IDE: variants seen among roughly 807,000 people sequenced by gnomAD.
The protein encoded by IDE is insulin degrading enzyme.
In IDE, 58 loss-of-function variants were observed where a neutral mutation model predicts 133.2. The ratio of observed to expected loss-of-function variants is 0.44; its 90% CI spans 0.35 to 0.54. The LOEUF (loss-of-function observed/expected upper bound fraction) is 0.54, where lower values mean the gene tolerates loss of function less well. IDE is among the 20% of genes least tolerant of loss of function. The pLI is 0.00. For missense variants in IDE, 981 were observed against 1,234.0 expected (o/e 0.79, Z 3.07); for synonymous variants, 396 against 421.3 (o/e 0.94, Z 0.73).
intron 6 of IDE, 33 bp from the exon 7 acceptor site, chr10:92,508,923 T>G (rs548479389): frequency 6.7e-7 from 1 of 1,501,840 alleles, no homozygotes; most frequent in Non-Finnish European, 9.2e-7. Flanking sequence ...ATTAGCTATA[T>G]ACGACTCCTA....
chr10:92,500,977 G>T (rs1344696172), intron 11 of IDE, among the ~76,000 whole-genome samples: 2 of 150,902 alleles, frequency 1.3e-5, no homozygotes, highest in African/African-American at 4.9e-5. Context: ...GGAGGCAGAG[G>T]TTGCAGTGAG....
At chr10:92,570,859 T>C (rs1434068828) in intron 1 of IDE, among the ~76,000 whole-genome samples, 1 of 151,684 alleles carries the variant, frequency 6.6e-6, no homozygotes, top group Non-Finnish European at 1.5e-5. Flanking sequence ...AAGGCTGCAG[T>C]GAGCTGAGAT....
chr10:92,475,793 C>A, intron 16 of IDE, 91 bp downstream of exon 16: 1 of 578,076 alleles, frequency 1.7e-6, no homozygotes, highest in Non-Finnish European at 3.0e-6. Flanking sequence ...TTCCTCCTTG[C>A]TTCTTTTATA....
At chr10:92,572,005 G>C (rs10736067) in intron 1 of IDE, among the ~76,000 whole-genome samples, 151,602 of 152,384 alleles carry the variant, frequency 0.99, 75,416 homozygotes, top group Middle Eastern at 1. Context: ...CTCACTCACT[G>C]ATTTTAGGGT....
At chr10:92,491,130 T>C (rs1036935248) in intron 11 of IDE, among the ~76,000 whole-genome samples, 2 of 151,636 alleles carry the variant, frequency 1.3e-5, no homozygotes, top group African/African-American at 4.8e-5. Context: ...TCCAGCTACT[T>C]GGAAAACTGA....
chr10:92,469,726 G>A lies in IDE; in HGVS notation c.2208+528C>T, dbSNP rs1845868208. 2.6e-5 allele frequency among the ~76,000 whole-genome samples: 4 copies of A among 152,188 alleles called. No individual in the cohort carries two copies. In the South Asian group the frequency reaches 8.3e-4, roughly 31 times the overall value. ...CCACTGCACCCGGCCGAGACTGAGG[G>A]ATCTTGAGACAGACTGCCACGGAAA... On this transcript the variant is annotated intron_variant, in intron 18 of 24. Coordinates refer to ENST00000265986, the MANE Select transcript of IDE (RefSeq NM_004969.4).
In IDE at chr10:92,485,854, A is replaced by G. The variant is rs35243007; in HGVS notation, c.1656+1342T>C. Among the ~76,000 whole-genome samples, 295 of 152,184 alleles carry G rather than the reference A, an allele frequency of 1.9e-3. 1 individual carries two copies. Among genetic ancestry groups the G allele is most frequent in the Non-Finnish European group, 3.3e-3 (227 of 68,016 alleles). On this transcript the variant is annotated intron_variant, in intron 13 of 24. Coordinates refer to ENST00000265986, the MANE Select transcript of IDE (RefSeq NM_004969.4). ...CTACTTAGGAGGCTGAGGCCAGAAG[A>G]TGGTTTGAACCCAGGAGTTTGAGGC... is the stretch of plus-strand genomic sequence containing the variant.
intron 6 of IDE, among the ~76,000 whole-genome samples, chr10:92,509,664 T>C (rs1848482725): frequency 6.6e-6 from 1 of 152,112 alleles, no homozygotes; most frequent in Admixed American, 6.6e-5. Context: ...CTCACGCCTG[T>C]AATCCCAGCA....
chr10:92,492,511 C>A (rs892753140), intron 11 of IDE, among the ~76,000 whole-genome samples: 4 of 152,142 alleles, frequency 2.6e-5, no homozygotes, highest in African/African-American at 9.7e-5. Flanking sequence ...TATTTTGAAT[C>A]TTGTGGGTCA....
intron 22 of IDE, among the ~76,000 whole-genome samples, chr10:92,459,091 C>A (rs1845210820): frequency 6.6e-6 from 1 of 152,176 alleles, no homozygotes; most frequent in African/African-American, 2.4e-5. Flanking sequence ...CTGCTCAGTT[C>A]TGAAACTATA....
intron 21 of IDE, 118 bp downstream of exon 21, chr10:92,463,613 C>T (rs1245582027): frequency 4.3e-6 from 4 of 920,588 alleles, no homozygotes; most frequent in Admixed American, 4.4e-5. Flanking sequence ...ATCCCCCCAC[C>T]CCAACTCCCC....
intron 9 of IDE, 100 bp from the exon 10 acceptor site, chr10:92,506,622 C>T (rs1848306507): frequency 1.9e-6 from 1 of 537,790 alleles, no homozygotes; most frequent in Non-Finnish European, 3.3e-6. Context: ...CTTTCTACTC[C>T]ATATTTAACT....
intron 21 of IDE, 109 bp downstream of exon 21, chr10:92,463,622 C>T (rs1208271460): frequency 9.7e-7 from 1 of 1,028,572 alleles, no homozygotes; most frequent in Non-Finnish European, 1.5e-6. Context: ...CCCCAACTCC[C>T]CAAATAGGTA....
chr10:92,470,290 G>A lies in IDE; in HGVS notation c.2172C>T (p.His724=). The change falls in exon 18 of 25, where the codon CAC becomes CAT. Residue 724 remains histidine (H), a synonymous_variant. Coordinates refer to ENST00000265986, the MANE Select transcript of IDE (RefSeq NM_004969.4). ...AFIPQLLSRL[H]IEALLHGNIT... ...TGTTTCCATGGAGAAGGGCTTCAATGTGCAGCCGTGACAGGAGCTGAGGTA... is the reference window on the plus strand; with the variant it reads ...TGTTTCCATGGAGAAGGGCTTCAATATGCAGCCGTGACAGGAGCTGAGGTA... The A allele has an allele frequency of 4.4e-6, 7 of 1,605,930 alleles. No individual in the cohort carries two copies. The highest frequency in any genetic ancestry group is 5.1e-6 in the Non-Finnish European group (6 of 1,175,698).
chr10:92,459,551 C>A (rs972408674), intron 22 of IDE, among the ~76,000 whole-genome samples: 12 of 152,114 alleles, frequency 7.9e-5, no homozygotes, highest in Non-Finnish European at 1.6e-4. Context: ...ATGGCTAGAA[C>A]ATTAAGGGAC....
chr10:92,532,778 A>T (rs943169012), intron 3 of IDE, among the ~76,000 whole-genome samples: 1 of 152,004 alleles, frequency 6.6e-6, no homozygotes, highest in Non-Finnish European at 1.5e-5. Context: ...GATTCAGATG[A>T]AGCTAAGAGC....
In IDE at chr10:92,547,289, T is replaced by C. The variant is rs982978836; in HGVS notation, c.99-9739A>G. Among the ~76,000 whole-genome samples the C allele has an allele frequency of 2.6e-5, 4 of 151,780 alleles. No individual in the cohort carries two copies. In the South Asian group the frequency reaches 6.2e-4, roughly 24 times the overall value. On this transcript the variant is annotated intron_variant, in intron 1 of 24. Coordinates refer to ENST00000265986, the MANE Select transcript of IDE (RefSeq NM_004969.4). Reference sequence around the variant, plus strand: ...TAGTAGAGACAGGGTTTTACCATGTTTCCCAGGATGACTCGAACTCCTGGG... The same window carrying C: ...TAGTAGAGACAGGGTTTTACCATGTCTCCCAGGATGACTCGAACTCCTGGG...
intron 1 of IDE, among the ~76,000 whole-genome samples, chr10:92,551,978 CA>C (rs1842805224): frequency 6.6e-6 from 1 of 152,042 alleles, no homozygotes; most frequent in East Asian, 1.9e-4. Context: ...TATACACACA[CA>C]CAAAAAGGTC....
At chr10:92,557,520 A>G (rs1204672809) in intron 1 of IDE, among the ~76,000 whole-genome samples, 7 of 151,588 alleles carry the variant, frequency 4.6e-5, no homozygotes, top group Non-Finnish European at 1.5e-5. Context: ...TGGGAGAAAG[A>G]CTCCATCTCA....
Sources: allele counts gnomAD v4.1 joint callset (sites outside exome capture counted in the v4.1 genomes callset), GRCh38; gene constraint gnomAD v4.1.1; transcripts MANE v1.5; gene names NCBI Gene and HGNC (gene_info 2026-07-23, HGNC 2026-07-21).